ARHGEF28: variants seen among roughly 807,000 people sequenced by gnomAD.
The protein encoded by ARHGEF28 is 190 kDa guanine nucleotide exchange factor.
Under a neutral mutation model 206.6 loss-of-function variants are expected in ARHGEF28, and 152 were observed. The observed-to-expected ratio is 0.74, with a 90% CI of 0.64 to 0.84. ARHGEF28 has a LOEUF of 0.84. Ranked by LOEUF, ARHGEF28 falls within the 40% of genes least tolerant of loss-of-function variation. The probability of loss-of-function intolerance (pLI) is 0.00; values close to 1 mark genes in which losing one functional copy is unlikely to be tolerated. For synonymous variants in ARHGEF28, 763 were observed against 776.4 expected (o/e 0.98, Z 0.29); for missense variants, 2,028 against 2,073.2 (o/e 0.98, Z 0.42).
rs150715051 is a variant in ARHGEF28, at chr5:73,637,852, C to T, written c.-12+11530C>T. Among the ~76,000 whole-genome samples the T allele has an allele frequency of 5.4e-3, 815 of 152,266 alleles. 6 individuals are homozygous for T. Among genetic ancestry groups the T allele is most frequent in the Non-Finnish European group, 9.5e-3 (645 of 68,028 alleles). On this transcript the variant is annotated intron_variant, in intron 1 of 35. Coordinates refer to ENST00000513042, the MANE Select transcript of ARHGEF28 (RefSeq NM_001177693.2). ...GTGATATGGAGAAGCAATGGACCAG[C>T]GTGCTCTCAGCAGCCTGAGCAAAGG...
chr5:73,868,170 G>A lies in ARHGEF28; in HGVS notation c.2368G>A (p.Asp790Asn). 6.2e-7 allele frequency: 1 copy of A among 1,603,526 alleles called. No individual in the cohort carries two copies. Among genetic ancestry groups the A allele is most frequent in the Non-Finnish European group, 8.5e-7 (1 of 1,174,532 alleles). ...HNSCRSRSHS[D>N]ELLQSMGSSP... ...CAGCTGCAGAAGCAGGTCTCATTCT[G>A]ATGAGCTGCTACAGTCCATGGGCTC... The change falls in exon 20 of 36, where the codon GAT becomes AAT. Residue 790 changes from aspartate (D) to asparagine (N), a missense_variant. Asp to Asn is a conservative substitution (Grantham distance 23). This residue lies in a region of ARHGEF28 where 1,002 missense variants were observed against 1,015.3 expected (regional missense o/e 0.99). Transcript: ENST00000513042.
At chr5:73,684,349 G>A (rs1747306924) in intron 1 of ARHGEF28, among the ~76,000 whole-genome samples, 2 of 152,144 alleles carry the variant, frequency 1.3e-5, no homozygotes. Context: ...TGATTGGCTT[G>A]TTTTACTTAG....
At chr5:73,911,796 A>C in intron 35 of ARHGEF28, 1 of 524,528 alleles carries the variant, frequency 1.9e-6, no homozygotes, top group Non-Finnish European at 3.4e-6. Flanking sequence ...TAGGGCTTAG[A>C]GAATGCTCAC....
intron 1 of ARHGEF28, among the ~76,000 whole-genome samples, chr5:73,640,738 G>A (rs1253651797): frequency 6.6e-6 from 1 of 152,078 alleles, no homozygotes; most frequent in African/African-American, 2.4e-5. Flanking sequence ...AGATAAAACT[G>A]GGTAGTTTGC....
intron 33 of ARHGEF28, 25 bp from the exon 34 acceptor site, chr5:73,909,387 A>G: frequency 6.4e-7 from 1 of 1,568,690 alleles, no homozygotes; most frequent in Non-Finnish European, 8.7e-7. Flanking sequence ...GTGTTCAGTG[A>G]TTTTTCCTCT....
intron 1 of ARHGEF28, among the ~76,000 whole-genome samples, chr5:73,676,884 A>G (rs1746730084): frequency 6.6e-6 from 1 of 152,224 alleles, no homozygotes; most frequent in Non-Finnish European, 1.5e-5. Context: ...GGTGTGTGGC[A>G]AGCTTATCAA....
At chr5:73,671,387 T>A (rs1162322402) in intron 1 of ARHGEF28, among the ~76,000 whole-genome samples, 2 of 152,110 alleles carry the variant, frequency 1.3e-5, no homozygotes, top group Non-Finnish European at 2.9e-5. Flanking sequence ...GAAGAGCTAC[T>A]CCACAAGAAG....
At chr5:73,782,807 G>A (rs1753924471) in intron 7 of ARHGEF28, among the ~76,000 whole-genome samples, 8 of 152,286 alleles carry the variant, frequency 5.3e-5, no homozygotes, top group Admixed American at 5.2e-4. Context: ...TTTTACTGCT[G>A]TACCTGTAGC....
At chr5:73,646,210 T>G (rs1241934830) in intron 1 of ARHGEF28, among the ~76,000 whole-genome samples, 26 of 152,342 alleles carry the variant, frequency 1.7e-4, no homozygotes. Context: ...GCTTTAATTC[T>G]GACACATCCT....
At chr5:73,641,736 A>C (rs1410217931) in intron 1 of ARHGEF28, among the ~76,000 whole-genome samples, 1 of 152,310 alleles carries the variant, frequency 6.6e-6, no homozygotes, top group African/African-American at 2.4e-5. Context: ...TCAACCATCT[A>C]AGCAGTCCCT....
chr5:73,872,695 A>G (rs929536455), intron 21 of ARHGEF28, among the ~76,000 whole-genome samples: 6 of 152,230 alleles, frequency 3.9e-5, no homozygotes, highest in Non-Finnish European at 5.9e-5. Flanking sequence ...AATAAGACCT[A>G]GTTCCTAGCT....
intron 21 of ARHGEF28, among the ~76,000 whole-genome samples, chr5:73,871,349 G>A (rs1006884311): frequency 6.6e-6 from 1 of 152,190 alleles, no homozygotes; most frequent in Non-Finnish European, 1.5e-5. Flanking sequence ...ATACAGGTAA[G>A]TGCTTAGCAT....
chr5:73,785,109 T>G (rs761321352), intron 7 of ARHGEF28, among the ~76,000 whole-genome samples: 8 of 152,190 alleles, frequency 5.3e-5, no homozygotes, highest in South Asian at 2.1e-4. Flanking sequence ...AATTTTCTAT[T>G]TAGTATTTTT....
intron 10 of ARHGEF28, among the ~76,000 whole-genome samples, chr5:73,838,664 ATT>A (rs1203305824): frequency 6.6e-6 from 1 of 152,222 alleles, no homozygotes. Context: ...AAATAGTTAA[ATT>A]ATGTCTATAA....
chr5:73,932,184 A>G (rs1256339827), intron 35 of ARHGEF28, among the ~76,000 whole-genome samples: 1 of 152,222 alleles, frequency 6.6e-6, no homozygotes, highest in East Asian at 1.9e-4. Flanking sequence ...GTAAACTACT[A>G]AAGTTTGATA....
chr5:73,821,753 G>C (rs113840021), intron 9 of ARHGEF28, among the ~76,000 whole-genome samples: 1,756 of 152,248 alleles, frequency 0.012, 19 homozygotes, highest in Non-Finnish European at 0.014. Context: ...ACTGCATCAA[G>C]AAGGAAGGGG....
intron 35 of ARHGEF28, among the ~76,000 whole-genome samples, chr5:73,927,201 AAAAAAT>A (rs1413579847): frequency 6.6e-6 from 1 of 152,178 alleles, no homozygotes; most frequent in Non-Finnish European, 1.5e-5. Context: ...TCACTAAAAA[AAAAAAT>A]AAAAATAAAA....
At chr5:73,855,811 A>G (rs1464170484) in intron 14 of ARHGEF28, among the ~76,000 whole-genome samples, 1 of 152,168 alleles carries the variant, frequency 6.6e-6, no homozygotes, top group East Asian at 1.9e-4. Flanking sequence ...TAAGTTTTTA[A>G]TCAATGTGGA....
chr5:73,781,388 A>C (rs1753836072), intron 7 of ARHGEF28, among the ~76,000 whole-genome samples: 1 of 152,164 alleles, frequency 6.6e-6, no homozygotes. Context: ...ACTCTATTCC[A>C]CAACATGCCA....
Sources: allele counts gnomAD v4.1 joint callset (sites outside exome capture counted in the v4.1 genomes callset), GRCh38; gene constraint gnomAD v4.1.1; regional missense constraint gnomAD v4.1.1; transcripts MANE v1.5; gene names NCBI Gene and HGNC (gene_info 2026-07-23, HGNC 2026-07-21).